The following MCPH1 variants were observed in gnomAD, a reference collection of about 807,000 sequenced individuals.
The protein encoded by MCPH1 is microcephalin 1.
In MCPH1, 104 loss-of-function variants were observed where a neutral mutation model predicts 84.5. The observed-to-expected ratio is 1.23, with a 90% CI of 1.05 to 1.45. The LOEUF is 1.45. Ranked by LOEUF, MCPH1 falls within the 40% of genes most tolerant of loss-of-function variation. MCPH1 has a pLI of 0.00. For synonymous variants in MCPH1, 514 were observed against 366.8 expected (o/e 1.40, Z -4.58); for missense variants, 1,498 against 1,005.7 (o/e 1.49, Z -6.62).
At chr8:6,543,669 C>T (rs915088453) in intron 12 of MCPH1, among the ~76,000 whole-genome samples, 5 of 152,004 alleles carry the variant, frequency 3.3e-5, no homozygotes, top group Non-Finnish European at 5.9e-5. Context: ...ATTTCATAAC[C>T]GCTGAAGTTC....
In MCPH1 at chr8:6,447,167, C is replaced by T. The variant is rs1018311757; in HGVS notation, c.1825+1620C>T. ...ACATGTTGGCTAGCCTAAATCGAACCCTTTTATAGTAATAAAGATTCATCA... is the reference window on the plus strand; with the variant it reads ...ACATGTTGGCTAGCCTAAATCGAACTCTTTTATAGTAATAAAGATTCATCA... On this transcript the variant is annotated intron_variant, in intron 8 of 13. Coordinates refer to ENST00000344683, the MANE Select transcript of MCPH1 (RefSeq NM_024596.5). 8 of 985,262 alleles carry T rather than the reference C, an allele frequency of 8.1e-6. No individual in the cohort carries two copies. In the Admixed American group the frequency reaches 2.5e-4, roughly 30 times the overall value. The allele number at this position is 985,262 out of a possible 1,614,324, so 61.0% of individuals were successfully genotyped here. A position where few individuals can be genotyped will look rare whatever the true frequency, so the allele number is the denominator to read the frequency against.
chr8:6,551,692 G>C (rs1286799811), intron 12 of MCPH1, among the ~76,000 whole-genome samples: 1 of 152,152 alleles, frequency 6.6e-6, no homozygotes, highest in Non-Finnish European at 1.5e-5. Context: ...AGTTGGAAAA[G>C]TTTAAGGAAA....
At chr8:6,563,706 T>C (rs1825878232) in intron 12 of MCPH1, among the ~76,000 whole-genome samples, 1 of 152,224 alleles carries the variant, frequency 6.6e-6, no homozygotes, top group South Asian at 2.1e-4. Context: ...TGTAAACGTG[T>C]GCCTTTTCAG....
chr8:6,409,889 G>C (rs1417895170), intron 2 of MCPH1, among the ~76,000 whole-genome samples: 1 of 152,156 alleles, frequency 6.6e-6, no homozygotes, highest in Non-Finnish European at 1.5e-5. Flanking sequence ...TTCAAGGACA[G>C]GCGATGGGAG....
intron 12 of MCPH1, chr8:6,617,259 G>C (rs1023763993): frequency 6.8e-6 from 1 of 146,198 alleles, no homozygotes; most frequent in Non-Finnish European, 1.5e-5. Flanking sequence ...TTTTTGGTGG[G>C]GGGGGGGTGT....
chr8:6,621,574 G>A lies in MCPH1; in HGVS notation c.2335G>A (p.Val779Ile), dbSNP rs751832733. Residue 779 changes from valine to isoleucine, a missense_variant, in exon 13 of 14, where the codon GTC becomes ATC. By Grantham distance (29) the Val-to-Ile change is conservative (BLOSUM62 3). Transcript: ENST00000344683. The part of the protein sequence containing the change: ...SPPVAKLCEL[V>I]HLCGGRVSQV... ...CCCAGTGGCCAAGCTCTGTGAACTA[G>A]TCCACCTGTGCGGAGGCCGGGTCAG... 28 of 1,614,100 alleles carry A rather than the reference G, an allele frequency of 1.7e-5. No homozygotes were observed. Among genetic ancestry groups the A allele is most frequent in the Non-Finnish European group, 2.4e-5 (28 of 1,180,054 alleles).
intron 12 of MCPH1, among the ~76,000 whole-genome samples, chr8:6,577,311 C>T (rs1379298785): frequency 6.6e-6 from 1 of 152,156 alleles, no homozygotes. Context: ...CACGTGTGCT[C>T]CAGAACCCGG....
chr8:6,626,043 C>G (rs1489205732), intron 13 of MCPH1: 8 of 985,252 alleles, frequency 8.1e-6, no homozygotes, highest in Non-Finnish European at 9.6e-6. Flanking sequence ...CACCACAGTC[C>G]ACCCGCCAGC....
In MCPH1 at chr8:6,419,781, G is replaced by C. The variant is rs959454446; in HGVS notation, c.233+4898G>C. ...CTCAAAGTGCTGGGATTACTGGTGTGAGCCACTGCACCCAGCTGATAATAT... is the reference window on the plus strand; with the variant it reads ...CTCAAAGTGCTGGGATTACTGGTGTCAGCCACTGCACCCAGCTGATAATAT... On this transcript the variant is annotated intron_variant, in intron 3 of 13. Coordinates refer to ENST00000344683, the MANE Select transcript of MCPH1 (RefSeq NM_024596.5). 2.6e-5 allele frequency among the ~76,000 whole-genome samples: 4 copies of C among 152,208 alleles called. No homozygotes were observed. The East Asian group carries it at 7.7e-4, about 29-fold the overall frequency.
intron 6 of MCPH1, among the ~76,000 whole-genome samples, chr8:6,441,691 C>T (rs978154304): frequency 1.3e-5 from 2 of 152,212 alleles, no homozygotes; most frequent in African/African-American, 2.4e-5. Context: ...CCCACTAACA[C>T]TAGCAGTGTA....
chr8:6,565,547 A>C (rs1438836397), intron 12 of MCPH1, among the ~76,000 whole-genome samples: 1 of 152,168 alleles, frequency 6.6e-6, no homozygotes, highest in Admixed American at 6.5e-5. Flanking sequence ...GGTGTGAGCC[A>C]CTGTACCTGG....
chr8:6,572,307 T>C lies in MCPH1; in HGVS notation c.2215-49147T>C, dbSNP rs184471347. 2.5e-3 allele frequency among the ~76,000 whole-genome samples: 385 copies of C among 152,340 alleles called. 5 individuals are homozygous for C. Among genetic ancestry groups the C allele is most frequent in the African/African-American group, 8.8e-3 (364 of 41,578 alleles). On this transcript the variant is annotated intron_variant, in intron 12 of 13. Coordinates refer to ENST00000344683, the MANE Select transcript of MCPH1 (RefSeq NM_024596.5). ...ATGCGCATTTAAATCACCTTTTTCA[T>C]TTATAGATCAAAAATCTTGCTTGAC...
At chr8:6,637,440 G>A (rs752088769) in intron 13 of MCPH1, among the ~76,000 whole-genome samples, 6 of 152,066 alleles carry the variant, frequency 3.9e-5, no homozygotes, top group South Asian at 2.1e-4. Context: ...CAGGAGAAGC[G>A]GTAAGTTTAG....
At position 6,585,028 on chromosome 8, in the gene MCPH1, C is replaced by T. The variant is rs145038553; in HGVS notation, c.2215-36426C>T. Among the ~76,000 whole-genome samples the T allele has an allele frequency of 1.2e-3, 183 of 152,336 alleles. 1 individual carries two copies. The highest frequency in any genetic ancestry group is 4.1e-3 in the African/African-American group (170 of 41,586). ...ATCCCCTCTGATCCCCATCCCAGTG[C>T]GAGGGCACAGTGAGTTGTATTTTCT... is the stretch of plus-strand genomic sequence containing the variant. On this transcript the variant is annotated intron_variant, in intron 12 of 13. Transcript: ENST00000344683.
Position 6,419,152 on chromosome 8 carries a change from GACAC to G in MCPH1, c.233+4302_233+4305del, listed in dbSNP as rs1177481281. Among the ~76,000 whole-genome samples, 258 of 59,350 alleles carry G rather than the reference GACAC, an allele frequency of 4.3e-3. 1 individual carries two copies. The Middle Eastern group carries it at 0.045, about 10-fold the overall frequency. The allele number at this position is 59,350 out of a possible 152,430, so 38.9% of individuals were successfully genotyped here. A position where few individuals can be genotyped will look rare whatever the true frequency, so the allele number is the denominator to read the frequency against. On this transcript the variant is annotated intron_variant, in intron 3 of 13. Transcript: ENST00000344683. ...ATACACACACACACACACACACACA[GACAC>G]ACACACACACACACACACACACACA... is the stretch of plus-strand genomic sequence containing the variant.
chr8:6,429,469 C>G (rs1311106879), intron 3 of MCPH1, among the ~76,000 whole-genome samples: 1 of 152,106 alleles, frequency 6.6e-6, no homozygotes, highest in Non-Finnish European at 1.5e-5. Flanking sequence ...GTTCTGAGCT[C>G]CAGGTTCTGA....
intron 11 of MCPH1, among the ~76,000 whole-genome samples, chr8:6,481,290 T>A (rs1334816855): frequency 6.6e-6 from 1 of 152,266 alleles, no homozygotes; most frequent in Non-Finnish European, 1.5e-5. Context: ...ATGGATTTAC[T>A]TAGGATGAAG....
intron 12 of MCPH1, among the ~76,000 whole-genome samples, chr8:6,506,622 C>G (rs956508019): frequency 1.3e-5 from 2 of 152,002 alleles, no homozygotes; most frequent in African/African-American, 4.8e-5. Context: ...CCCTGCTGTT[C>G]AGCTTTAAAA....
intron 10 of MCPH1, 92 bp downstream of exon 10, chr8:6,477,723 T>A: frequency 1.1e-6 from 1 of 949,918 alleles, no homozygotes; most frequent in Non-Finnish European, 1.7e-6. Context: ...AACTTGTCAA[T>A]CTGTCCTGTA....
Sources: gnomAD v4.1 joint callset for allele counts (sites outside exome capture counted in the v4.1 genomes callset) on GRCh38, gnomAD v4.1.1 for gene constraint, MANE v1.5 for transcripts, NCBI Gene and HGNC (gene_info 2026-07-23, HGNC 2026-07-21) for gene names.